The following PRDM5 variants were observed in gnomAD, a reference collection of about 807,000 sequenced individuals.
PRDM5 encodes PR/SET domain 5, also known as PR domain zinc finger protein 5.
PRDM5 carries 56 observed loss-of-function variants against 81.2 expected under a neutral mutation model. The ratio of observed to expected loss-of-function variants is 0.69; its 90% confidence interval spans 0.56 to 0.86. PRDM5 has a LOEUF of 0.86. PRDM5 is among the 40% of genes least tolerant of loss of function. The pLI is 0.00. For synonymous variants in PRDM5, 267 were observed against 256.4 expected, an observed-to-expected ratio of 1.04 and a Z score of -0.39; for missense variants, 697 against 770.1, an observed-to-expected ratio of 0.91 and a Z score of 1.12.
At chr4:120,906,430 T>G (rs186895828) in intron 2 of PRDM5, among the ~76,000 whole-genome samples, 1 of 152,240 alleles carries the variant, frequency 6.6e-6, no homozygotes, top group African/African-American at 2.4e-5. Context: ...TGTACAAATA[T>G]GCTCTATGAT....
At chr4:120,896,169 A>C (rs1764590456) in intron 2 of PRDM5, 1 of 152,144 alleles carries the variant, frequency 6.6e-6, no homozygotes, top group Admixed American at 6.5e-5. Context: ...CTGCATCAGA[A>C]TCATTGGTGA....
rs1725114736 is a variant in PRDM5 at position 120,922,623 on chromosome 4, C to CG, written c.-16dup. 1.3e-6 allele frequency: 2 copies of CG among 1,568,196 alleles called. No homozygotes were observed. The highest frequency in any genetic ancestry group is 1.4e-5 in the African/African-American group (1 of 73,632). On this transcript the variant is annotated 5_prime_UTR_variant, in exon 1 of 16. Transcript: ENST00000264808. ...ATGCCCAGCATTTTCCCGGGCGCGG[C>CG]GGCCGCCGCCTCTCTCAACACCGGC... is the stretch of plus-strand genomic sequence containing the variant.
intron 2 of PRDM5, among the ~76,000 whole-genome samples, chr4:120,872,006 C>A (rs1761852508): frequency 6.6e-6 from 1 of 151,710 alleles, no homozygotes; most frequent in South Asian, 2.1e-4. Context: ...CAAAAATTAG[C>A]CAGGCGTGGT....
chr4:120,725,795 G>A (rs1739309822), intron 14 of PRDM5, among the ~76,000 whole-genome samples: 1 of 151,950 alleles, frequency 6.6e-6, no homozygotes, highest in African/African-American at 2.4e-5. Flanking sequence ...TACTATCTAG[G>A]AGACACACTG....
chr4:120,815,315 G>A (rs982275062), intron 7 of PRDM5, among the ~76,000 whole-genome samples: 1 of 152,200 alleles, frequency 6.6e-6, no homozygotes, highest in African/African-American at 2.4e-5. Flanking sequence ...TAAGTCAGCT[G>A]TGTATTCTTC....
At chr4:120,742,534 A>T (rs1478268616) in intron 14 of PRDM5, among the ~76,000 whole-genome samples, 2 of 151,918 alleles carry the variant, frequency 1.3e-5, no homozygotes, top group African/African-American at 4.8e-5. Flanking sequence ...ACTTTGAAAA[A>T]AATTTAGAAG....
At chr4:120,775,241 C>T (rs922864010) in intron 13 of PRDM5, among the ~76,000 whole-genome samples, 1 of 151,762 alleles carries the variant, frequency 6.6e-6, no homozygotes, top group Non-Finnish European at 1.5e-5. Flanking sequence ...TAATATAGAA[C>T]ATAAGACAAC....
At chr4:120,794,340 T>TA (rs1389018899) in intron 10 of PRDM5, among the ~76,000 whole-genome samples, 1 of 152,138 alleles carries the variant, frequency 6.6e-6, no homozygotes, top group African/African-American at 2.4e-5. Context: ...CTTTTTTTTT[T>TA]ACTATGTTAA....
At chr4:120,904,189 C>CAAAAAAAAAAAGAA (rs1765515404) in intron 2 of PRDM5, among the ~76,000 whole-genome samples, 1 of 42,580 alleles carries the variant, frequency 2.3e-5, no homozygotes, top group Non-Finnish European at 3.7e-5. Context: ...GACTCCTTCT[C>CAAAAAAAAAAAGAA]AAAAAAAAAA....
chr4:120,751,497 G>A (rs1353480774), intron 14 of PRDM5, among the ~76,000 whole-genome samples: 1 of 150,298 alleles, frequency 6.7e-6, no homozygotes, highest in East Asian at 2.0e-4. Context: ...ACAAAACAAA[G>A]TTGAAAAAAA....
intron 13 of PRDM5, among the ~76,000 whole-genome samples, chr4:120,764,677 A>C (rs1746128914): frequency 6.6e-6 from 1 of 152,176 alleles, no homozygotes; most frequent in Non-Finnish European, 1.5e-5. Context: ...AGACATCTAA[A>C]AACATGCAGT....
intron 10 of PRDM5, among the ~76,000 whole-genome samples, chr4:120,796,209 T>A (rs1366268655): frequency 6.6e-6 from 1 of 152,196 alleles, no homozygotes; most frequent in Non-Finnish European, 1.5e-5. Flanking sequence ...GAAGAAAAGG[T>A]TGATCTTCTG....
intron 5 of PRDM5, 122 bp downstream of exon 5, chr4:120,818,231 A>C: frequency 1.0e-6 from 1 of 1,002,314 alleles, no homozygotes; most frequent in Non-Finnish European, 1.5e-6. Context: ...TCTCATTCAC[A>C]CACAAAACAT....
At position 120,757,866 on chromosome 4, in the gene PRDM5, CTTCT is replaced by C. The variant is rs953181861; in HGVS notation, c.1538-3232_1538-3229del. Among the ~76,000 whole-genome samples, 10 of 149,814 alleles carry C rather than the reference CTTCT, an allele frequency of 6.7e-5. No homozygotes were observed. In the East Asian group the frequency reaches 2.0e-3, roughly 29 times the overall value. On this transcript the variant is annotated intron_variant, in intron 13 of 15. Coordinates refer to ENST00000264808, the MANE Select transcript of PRDM5 (RefSeq NM_018699.4). ...CCTCCTCTTCCTCCTCCTCCTTCTT[CTTCT>C]TTCTCTTCTCTTCTCCTTCTTCTTC...
At chr4:120,802,610 C>G (rs776497645) in intron 8 of PRDM5, among the ~76,000 whole-genome samples, 10 of 152,210 alleles carry the variant, frequency 6.6e-5, no homozygotes, top group Non-Finnish European at 1.0e-4. Flanking sequence ...TGGAGTGGAC[C>G]TCCAGCAAAC....
intron 7 of PRDM5, among the ~76,000 whole-genome samples, chr4:120,812,107 T>C (rs1007508733): frequency 6.6e-6 from 1 of 152,124 alleles, no homozygotes; most frequent in Admixed American, 6.6e-5. Flanking sequence ...AGCTTCCATA[T>C]ATAAGTGAGC....
At chr4:120,774,591 C>T (rs1747771966) in intron 13 of PRDM5, among the ~76,000 whole-genome samples, 1 of 152,142 alleles carries the variant, frequency 6.6e-6, no homozygotes, top group South Asian at 2.1e-4. Flanking sequence ...CATCATTTGT[C>T]CATGCAGGAA....
intron 15 of PRDM5, among the ~76,000 whole-genome samples, chr4:120,706,355 A>C (rs1371475379): frequency 6.6e-6 from 1 of 152,190 alleles, no homozygotes; most frequent in Non-Finnish European, 1.5e-5. Context: ...CTTAACTAGA[A>C]TAATGGCTAT....
chr4:120,757,438 C>T (rs986033815), intron 13 of PRDM5, among the ~76,000 whole-genome samples: 3 of 152,174 alleles, frequency 2.0e-5, no homozygotes, highest in African/African-American at 7.2e-5. Context: ...TCAGTTTATG[C>T]CTGTTATCCT....
Sources: gnomAD v4.1 joint callset for allele counts (sites outside exome capture counted in the v4.1 genomes callset) on GRCh38, gnomAD v4.1.1 for gene constraint, MANE v1.5 for transcripts, NCBI Gene and HGNC (gene_info 2026-07-23, HGNC 2026-07-21) for gene names.